The following ATXN1 variants were observed in gnomAD, a reference collection of about 807,000 sequenced individuals.
ATXN1 encodes ataxin-1.
In ATXN1, 8 loss-of-function variants were observed where a neutral mutation model predicts 56.4. That is an observed-to-expected ratio of 0.14 (90% CI 0.08 to 0.26). ATXN1 has a LOEUF of 0.26. Ranked by LOEUF, ATXN1 falls within the 10% of genes least tolerant of loss-of-function variation. The pLI, the probability that ATXN1 is intolerant of heterozygous loss-of-function variation, is 1.00. For missense variants in ATXN1, 987 were observed against 1,106.5 expected, an observed-to-expected ratio of 0.89 and a Z score of 1.53; for synonymous variants, 514 against 494.6, an observed-to-expected ratio of 1.04 and a Z score of -0.52.
chr6:16,322,184 C>G (rs1206960879), intron 7 of ATXN1, among the ~76,000 whole-genome samples: 1 of 152,152 alleles, frequency 6.6e-6, no homozygotes, highest in Non-Finnish European at 1.5e-5. Flanking sequence ...ATGATCCCAT[C>G]ACTGCACTTC....
intron 2 of ATXN1, among the ~76,000 whole-genome samples, chr6:16,684,280 G>A (rs2113405883): frequency 6.6e-6 from 1 of 152,242 alleles, no homozygotes; most frequent in Admixed American, 6.5e-5. Flanking sequence ...TTCCTTATTG[G>A]ATTGCTTCCT....
intron 3 of ATXN1, among the ~76,000 whole-genome samples, chr6:16,606,888 T>TG (rs145108851): frequency 3.7e-4 from 54 of 146,988 alleles, no homozygotes; most frequent in South Asian, 1.1e-3. Context: ...TGTGTGTGTG[T>TG]TGTTTGTTTG....
rs111374017 is a variant in ATXN1 at position 16,560,073 on chromosome 6, T to C, written c.-361+25707A>G. 7.4e-3 allele frequency among the ~76,000 whole-genome samples: 1,127 copies of C among 152,260 alleles called. 11 individuals carry two copies. Among genetic ancestry groups the C allele is most frequent in the African/African-American group, 0.026 (1,060 of 41,538 alleles). On this transcript the variant is annotated intron_variant, in intron 4 of 7. Coordinates refer to ENST00000436367, the MANE Select transcript of ATXN1 (RefSeq NM_001128164.2). ...ATTTGCCCTCTGTTGTAGCTGGAGATATGCCAACGAGAGGGGTTTGTTTAG... is the reference window on the plus strand; with the variant it reads ...ATTTGCCCTCTGTTGTAGCTGGAGACATGCCAACGAGAGGGGTTTGTTTAG...
Position 16,306,967 on chromosome 6 carries a change from A to G in ATXN1, c.1918-108T>C. On this transcript the variant is annotated intron_variant, in intron 7 of 7. Coordinates refer to ENST00000436367, the MANE Select transcript of ATXN1 (RefSeq NM_001128164.2). This position sits in a 1 kb window ranked among gnomAD's most constrained non-coding sequence, Gnocchi z 5.2. ...CACACAGGTATGAACTCACACAGAC[A>G]CACACAGGCTGAATGGGGGAAAATG... 1.6e-6 allele frequency: 2 copies of G among 1,285,848 alleles called. No individual in the cohort carries two copies. The highest frequency in any genetic ancestry group is 2.4e-5 in the East Asian group (1 of 41,122). The allele number at this position is 1,285,848 out of a possible 1,614,324, so 79.7% of individuals were successfully genotyped here. A position where few individuals can be genotyped will look rare whatever the true frequency, so the allele number is the denominator to read the frequency against.
At chr6:16,415,146 T>A (rs1241544038) in intron 6 of ATXN1, among the ~76,000 whole-genome samples, 1 of 152,242 alleles carries the variant, frequency 6.6e-6, no homozygotes, top group Non-Finnish European at 1.5e-5. Flanking sequence ...GAAATTATTT[T>A]AAAATATATG....
chr6:16,326,622 C>G lies in ATXN1; in HGVS notation c.1689G>C (p.Pro563=), dbSNP rs201976153. Residue 563 remains proline (P), a synonymous_variant, in exon 7 of 8, where the codon CCG becomes CCC. Coordinates refer to ENST00000436367, the MANE Select transcript of ATXN1 (RefSeq NM_001128164.2). The surrounding 1 kb of genome is among the most constrained non-coding windows in gnomAD (Gnocchi z 6.6). Reference sequence around the variant, plus strand: ...GAGGCAGCGTAGGGGGAGCCGCCGCCGGGGAGGCCACGGACTGCACCACAG... The same window carrying G: ...GAGGCAGCGTAGGGGGAGCCGCCGCGGGGGAGGCCACGGACTGCACCACAG... ...HLPVVQSVAS[P]AAAPPTLPPY... The G allele has an allele frequency of 1.2e-6, 2 of 1,613,912 alleles. No individual in the cohort carries two copies. The highest frequency in any genetic ancestry group is 1.7e-6 in the Non-Finnish European group (2 of 1,180,040).
Position 16,302,542 on chromosome 6 carries a change from C to T in ATXN1, c.*3787G>A, listed in dbSNP as rs1245152916. On this transcript the variant is annotated 3_prime_UTR_variant, in exon 8 of 8. Coordinates refer to ENST00000436367, the MANE Select transcript of ATXN1 (RefSeq NM_001128164.2). ...CCATCTCTGTATCCCTCCCTCCCCCCTCTGCCCCAGTGTGGCCCAGACAAA... is the reference window on the plus strand; with the variant it reads ...CCATCTCTGTATCCCTCCCTCCCCCTTCTGCCCCAGTGTGGCCCAGACAAA... 6.6e-6 allele frequency: 1 copy of T among 152,644 alleles called. No homozygotes were observed. Among genetic ancestry groups the T allele is most frequent in the Non-Finnish European group, 1.5e-5 (1 of 68,040 alleles). 9.5% of individuals were successfully genotyped at this position (152,644 alleles called of 1,614,324 possible).
intron 2 of ATXN1, among the ~76,000 whole-genome samples, chr6:16,702,406 A>G (rs1296407489): frequency 6.6e-6 from 1 of 152,212 alleles, no homozygotes; most frequent in African/African-American, 2.4e-5. Context: ...AGGCAATACC[A>G]TTCAGGACAT....
chr6:16,558,906 T>C (rs1762064631), intron 4 of ATXN1, among the ~76,000 whole-genome samples: 1 of 152,038 alleles, frequency 6.6e-6, no homozygotes, highest in South Asian at 2.1e-4. Context: ...TTTTAGCTGT[T>C]ACATGCTCCT....
intron 7 of ATXN1, among the ~76,000 whole-genome samples, chr6:16,308,218 C>G (rs9464878): frequency 0.099 from 15,034 of 152,010 alleles, 1,227 homozygotes; most frequent in African/African-American, 0.22. Context: ...CCCAGCTACT[C>G]AGGAGGCTGA....
chr6:16,553,855 A>G (rs1761964636), intron 4 of ATXN1, among the ~76,000 whole-genome samples: 1 of 152,226 alleles, frequency 6.6e-6, no homozygotes, highest in Non-Finnish European at 1.5e-5. Flanking sequence ...AAGCTATTAT[A>G]GCTTTCTCCT....
chr6:16,699,571 C>T (rs1351960581), intron 2 of ATXN1, among the ~76,000 whole-genome samples: 1 of 152,164 alleles, frequency 6.6e-6, no homozygotes, highest in Admixed American at 6.5e-5. Context: ...GGTCTGAAAA[C>T]TGTTTGTGGG....
At chr6:16,316,435 A>G (rs1323882772) in intron 7 of ATXN1, among the ~76,000 whole-genome samples, 1 of 152,122 alleles carries the variant, frequency 6.6e-6, no homozygotes, top group African/African-American at 2.4e-5. Flanking sequence ...CTAGCAAGTA[A>G]TAGGTGCTCA....
intron 6 of ATXN1, among the ~76,000 whole-genome samples, chr6:16,343,453 G>A (rs989365829): frequency 6.6e-6 from 1 of 152,144 alleles, no homozygotes; most frequent in Admixed American, 6.5e-5. Flanking sequence ...GGAGCTACAA[G>A]GATCTCTGAG....
Position 16,327,654 on chromosome 6 carries a change from C to CTGT in ATXN1, c.656_657insACA (p.Gln225dup), listed in dbSNP as rs1760855138. On this transcript the variant is annotated inframe_insertion, in exon 7 of 8. Transcript: ENST00000436367. ...TGAGGTGCTGCTGCTGCTGCTGCTGCTGCTGCTGCTGCTGCTGCTGCTGAT... is the reference window on the plus strand; with the variant it reads ...TGAGGTGCTGCTGCTGCTGCTGCTGCTGTTGCTGCTGCTGCTGCTGCTGCTGAT... 1 of 1,551,552 alleles carries CTGT rather than the reference C, an allele frequency of 6.4e-7. No homozygotes were observed. Among genetic ancestry groups the CTGT allele is most frequent in the Admixed American group, 1.9e-5 (1 of 52,160 alleles).
intron 2 of ATXN1, chr6:16,739,677 G>A (rs773301264): frequency 1.8e-5 from 7 of 391,786 alleles, no homozygotes; most frequent in Admixed American, 1.3e-4. Context: ...GCTCAAAAGC[G>A]GTCGGAAACA....
intron 7 of ATXN1, among the ~76,000 whole-genome samples, chr6:16,318,483 G>T (rs1760566675): frequency 6.6e-6 from 1 of 152,090 alleles, no homozygotes; most frequent in East Asian, 1.9e-4. Context: ...TTCTCAGCAT[G>T]AAAAAAATCA....
At chr6:16,641,652 C>A (rs1475888851) in intron 3 of ATXN1, among the ~76,000 whole-genome samples, 1 of 152,190 alleles carries the variant, frequency 6.6e-6, no homozygotes, top group African/African-American at 2.4e-5. Flanking sequence ...AGATTCATGT[C>A]GTTTTCACGC....
chr6:16,457,261 G>A (rs1256543864), intron 6 of ATXN1, among the ~76,000 whole-genome samples: 1 of 152,110 alleles, frequency 6.6e-6, no homozygotes, highest in Non-Finnish European at 1.5e-5. Flanking sequence ...CACTAAATCT[G>A]ACCTTCCTCA....
Sources: gnomAD v4.1 joint callset for allele counts (sites outside exome capture counted in the v4.1 genomes callset) on GRCh38, gnomAD v4.1.1 for gene constraint, Gnocchi (gnomAD v3.1) non-coding constraint, MANE v1.5 for transcripts, NCBI Gene and HGNC (gene_info 2026-07-23, HGNC 2026-07-21) for gene names.